PRKN: variants seen among roughly 807,000 people sequenced by gnomAD.
The protein encoded by PRKN is E3 ubiquitin-protein ligase parkin.
Under a neutral mutation model 59.5 loss-of-function variants are expected in PRKN, and 56 were observed. The ratio of observed to expected loss-of-function variants is 0.94; its 90% CI spans 0.76 to 1.18. The LOEUF is 1.18. PRKN is among the 50% of genes most tolerant of loss of function. PRKN has a pLI of 0.00. For missense variants in PRKN, 657 were observed against 596.4 expected, an observed-to-expected ratio of 1.10 and a Z score of -1.06; for synonymous variants, 250 against 222.1, an observed-to-expected ratio of 1.13 and a Z score of -1.12.
chr6:161,964,503 T>A (rs1270433873), intron 6 of PRKN, among the ~76,000 whole-genome samples: 2 of 152,040 alleles, frequency 1.3e-5, no homozygotes, highest in Admixed American at 1.3e-4. Flanking sequence ...CAGTGTGAAG[T>A]AGCCTGCTTC....
chr6:162,650,372 C>T (rs9458634), intron 1 of PRKN, among the ~76,000 whole-genome samples: 29,439 of 151,496 alleles, frequency 0.19, 3,490 homozygotes, highest in East Asian at 0.47. Context: ...CCGAGGCGGG[C>T]GGATCACGAG....
chr6:161,952,266 T>C (rs2128246176), intron 6 of PRKN, among the ~76,000 whole-genome samples: 1 of 152,250 alleles, frequency 6.6e-6, no homozygotes, highest in Middle Eastern at 3.4e-3. Flanking sequence ...AAAAATGTTG[T>C]GAAAAAGATG....
At chr6:162,699,826 C>A (rs1427590681) in intron 1 of PRKN, among the ~76,000 whole-genome samples, 1 of 152,098 alleles carries the variant, frequency 6.6e-6, no homozygotes, top group African/African-American at 2.4e-5. Context: ...CTCTGAAGTT[C>A]TCTTGTCTAC....
chr6:161,493,956 C>G (rs1280410079), intron 9 of PRKN, among the ~76,000 whole-genome samples: 1 of 152,186 alleles, frequency 6.6e-6, no homozygotes, highest in African/African-American at 2.4e-5. Context: ...GCCGGGAAGG[C>G]AGGGACGCTC....
intron 6 of PRKN, among the ~76,000 whole-genome samples, chr6:161,947,623 T>C (rs1261435911): frequency 6.6e-6 from 1 of 152,206 alleles, no homozygotes; most frequent in Non-Finnish European, 1.5e-5. Flanking sequence ...TGTATTCATG[T>C]GTTAAACAGA....
intron 9 of PRKN, among the ~76,000 whole-genome samples, chr6:161,523,676 G>T (rs1778918645): frequency 6.6e-6 from 1 of 152,170 alleles, no homozygotes; most frequent in Non-Finnish European, 1.5e-5. Context: ...GATGAAAAAG[G>T]TCTTTCCCCT....
intron 2 of PRKN, among the ~76,000 whole-genome samples, chr6:162,282,759 T>C (rs1276523826): frequency 2.0e-5 from 3 of 152,204 alleles, no homozygotes; most frequent in African/African-American, 7.2e-5. Flanking sequence ...CATTTGTCTG[T>C]ATGTTGTATA....
At chr6:162,450,025 A>G (rs1172115282) in intron 1 of PRKN, among the ~76,000 whole-genome samples, 1 of 152,216 alleles carries the variant, frequency 6.6e-6, no homozygotes, top group Admixed American at 6.5e-5. Flanking sequence ...GCAAAGCCAC[A>G]GTTTTTCTGG....
intron 4 of PRKN, among the ~76,000 whole-genome samples, chr6:162,095,738 G>A (rs966709848): frequency 1.1e-4 from 17 of 152,126 alleles, no homozygotes; most frequent in Admixed American, 3.3e-4. Context: ...GTGCAGGAAT[G>A]GTTTGGTATC....
intron 3 of PRKN, 80 bp downstream of exon 3, chr6:162,262,444 AC>A: frequency 6.5e-7 from 1 of 1,542,828 alleles, no homozygotes; most frequent in Non-Finnish European, 8.9e-7. Flanking sequence ...CTAAATATGC[AC>A]CCGGTGAGGC....
At chr6:162,191,600 A>G (rs935246084) in intron 4 of PRKN, among the ~76,000 whole-genome samples, 6 of 152,054 alleles carry the variant, frequency 3.9e-5, no homozygotes, top group African/African-American at 1.4e-4. Context: ...ATGCCACCAC[A>G]GCCAGCTAAT....
At chr6:162,029,734 TTTG>T (rs1783568976) in intron 5 of PRKN, among the ~76,000 whole-genome samples, 1 of 152,236 alleles carries the variant, frequency 6.6e-6, no homozygotes, top group Admixed American at 6.5e-5. Context: ...GGGCATTATT[TTTG>T]TTGTTGTTAT....
At chr6:161,954,593 T>A (rs994813579) in intron 6 of PRKN, among the ~76,000 whole-genome samples, 1 of 152,218 alleles carries the variant, frequency 6.6e-6, no homozygotes, top group Non-Finnish European at 1.5e-5. Context: ...GTAATTGTTT[T>A]ATTAAGGAAC....
chr6:161,812,556 C>A (rs1791607649), intron 6 of PRKN, among the ~76,000 whole-genome samples: 1 of 151,966 alleles, frequency 6.6e-6, no homozygotes, highest in Admixed American at 6.6e-5. Context: ...AACCAACAAC[C>A]CAATTAAAAA....
At position 161,357,944 on chromosome 6, in the gene PRKN, G is replaced by A. The variant is rs1265168904; in HGVS notation, c.1285+2144C>T. 6.6e-6 allele frequency among the ~76,000 whole-genome samples: 1 copy of A among 152,242 alleles called. No homozygotes were observed. The highest frequency in any genetic ancestry group is 1.5e-5 in the Non-Finnish European group (1 of 68,050). On this transcript the variant is annotated intron_variant, in intron 11 of 11. Transcript: ENST00000366898. The surrounding 1 kb of genome is among the most constrained non-coding windows in gnomAD (Gnocchi z 5.5). ...GCAAACTGGTGCTCACACAGCCACA[G>A]TCCATGGCAGAGTCCTAACTCCTGC...
intron 4 of PRKN, among the ~76,000 whole-genome samples, chr6:162,126,152 A>G (rs141360094): frequency 6.6e-6 from 1 of 152,222 alleles, no homozygotes. Context: ...GAGATAAAGG[A>G]AGAAACAATG....
At chr6:161,875,468 C>T (rs1007726682) in intron 6 of PRKN, among the ~76,000 whole-genome samples, 2 of 152,022 alleles carry the variant, frequency 1.3e-5, no homozygotes, top group Non-Finnish European at 2.9e-5. Context: ...GCTGGGATTA[C>T]AGGCGTGAGC....
At chr6:162,149,861 A>C (rs1289773674) in intron 4 of PRKN, among the ~76,000 whole-genome samples, 1 of 152,318 alleles carries the variant, frequency 6.6e-6, no homozygotes, top group African/African-American at 2.4e-5. Flanking sequence ...TGATGAAGCA[A>C]GAACAGGGGG....
chr6:162,033,774 T>C (rs978952327), intron 5 of PRKN, among the ~76,000 whole-genome samples: 2 of 152,222 alleles, frequency 1.3e-5, no homozygotes, highest in African/African-American at 4.8e-5. Context: ...GATGAAATTA[T>C]GCTGTTCACT....
Sources: gnomAD v4.1 joint callset for allele counts (sites outside exome capture counted in the v4.1 genomes callset) on GRCh38, gnomAD v4.1.1 for gene constraint, Gnocchi (gnomAD v3.1) non-coding constraint, MANE v1.5 for transcripts, NCBI Gene and HGNC (gene_info 2026-07-23, HGNC 2026-07-21) for gene names.